Variants in MDGA2 observed in about 807,000 individuals in gnomAD.
MDGA2 encodes the protein MAM domain-containing glycosylphosphatidylinositol anchor protein 2.
In MDGA2, 40 loss-of-function variants were observed where a neutral mutation model predicts 117.8. That is an observed-to-expected ratio of 0.34 (90% confidence interval 0.26 to 0.44). MDGA2 has a LOEUF of 0.44. MDGA2 is among the 20% of genes least tolerant of loss of function. The probability of loss-of-function intolerance (pLI) is 1.00; values close to 1 mark genes in which losing one functional copy is unlikely to be tolerated. For missense variants in MDGA2, 1,123 were observed against 1,250.6 expected, an observed-to-expected ratio of 0.90 and a Z score of 1.54; for synonymous variants, 452 against 439.0, an observed-to-expected ratio of 1.03 and a Z score of -0.37.
At chr14:47,235,478 C>T (rs1886827668) in intron 2 of MDGA2, among the ~76,000 whole-genome samples, 1 of 152,128 alleles carries the variant, frequency 6.6e-6, no homozygotes, top group Non-Finnish European at 1.5e-5. Flanking sequence ...CTTTCTGTTC[C>T]TCACAATCTT....
intron 5 of MDGA2, 52 bp from the exon 6 acceptor site, chr14:47,097,175 G>T (rs758550303): frequency 5.1e-6 from 8 of 1,564,632 alleles, no homozygotes; most frequent in Non-Finnish European, 7.0e-6. Context: ...GCTACAACTA[G>T]AATTCAACAG....
At chr14:47,169,369 T>C (rs568731251) in intron 3 of MDGA2, among the ~76,000 whole-genome samples, 15 of 151,996 alleles carry the variant, frequency 9.9e-5, no homozygotes, top group Admixed American at 2.6e-4. Flanking sequence ...TTATATGATG[T>C]TACCTTTTCA....
At chr14:47,363,486 G>T (rs1313000418) in intron 1 of MDGA2, among the ~76,000 whole-genome samples, 1 of 152,156 alleles carries the variant, frequency 6.6e-6, no homozygotes, top group East Asian at 1.9e-4. Context: ...ATGAACTCCG[G>T]ACCTCAAGTG....
At position 47,417,685 on chromosome 14, in the gene MDGA2, A is replaced by C. The variant is rs542335356; in HGVS notation, c.281-116135T>G. 1.5e-4 allele frequency among the ~76,000 whole-genome samples: 23 copies of C among 152,160 alleles called. No individual in the cohort carries two copies. In the South Asian group the frequency reaches 3.5e-3, roughly 23 times the overall value. ...TTCCACATTTTTAGTTACTTGTTAC[A>C]ATATCACCTCACTCCTTCTGGTACC... On this transcript the variant is annotated intron_variant, in intron 1 of 16. Transcript: ENST00000399232.
At chr14:47,369,199 A>G (rs112365718) in intron 1 of MDGA2, among the ~76,000 whole-genome samples, 3,693 of 152,200 alleles carry the variant, frequency 0.024, 68 homozygotes, top group Non-Finnish European at 0.038. Context: ...AATATTTCCA[A>G]TGACAGTAAA....
chr14:47,178,695 G>A (rs1035705558), intron 3 of MDGA2, among the ~76,000 whole-genome samples: 20 of 152,140 alleles, frequency 1.3e-4, no homozygotes, highest in African/African-American at 4.8e-4. Context: ...ATCATCTTGT[G>A]TCGTGGTGCT....
At chr14:47,078,793 G>T (rs969292911) in intron 6 of MDGA2, among the ~76,000 whole-genome samples, 2 of 151,972 alleles carry the variant, frequency 1.3e-5, no homozygotes, top group East Asian at 3.9e-4. Context: ...TTCCTATCCA[G>T]GCTTGATAAC....
intron 10 of MDGA2, among the ~76,000 whole-genome samples, chr14:46,898,254 C>A (rs1434362613): frequency 6.6e-6 from 1 of 151,774 alleles, no homozygotes; most frequent in Non-Finnish European, 1.5e-5. Context: ...GGAAGAGACT[C>A]TGGTAATTTC....
At chr14:47,215,424 G>A (rs1886049989) in intron 3 of MDGA2, among the ~76,000 whole-genome samples, 1 of 151,990 alleles carries the variant, frequency 6.6e-6, no homozygotes, top group Admixed American at 6.6e-5. Flanking sequence ...CAATGATAAA[G>A]CATGTTTTAA....
At chr14:47,020,241 T>C (rs1280323845) in intron 8 of MDGA2, among the ~76,000 whole-genome samples, 1 of 152,184 alleles carries the variant, frequency 6.6e-6, no homozygotes, top group African/African-American at 2.4e-5. Context: ...ATAAAAAATA[T>C]GAAATTACTG....
chr14:47,365,083 A>G (rs1038954401), intron 1 of MDGA2, among the ~76,000 whole-genome samples: 1 of 152,220 alleles, frequency 6.6e-6, no homozygotes, highest in Non-Finnish European at 1.5e-5. Flanking sequence ...TGTTTTCTAC[A>G]CCCTTCAATG....
chr14:46,921,752 A>T (rs1302052820), intron 9 of MDGA2, among the ~76,000 whole-genome samples: 1 of 152,186 alleles, frequency 6.6e-6, no homozygotes, highest in Non-Finnish European at 1.5e-5. Flanking sequence ...GAAATAAAGG[A>T]GGTGAATTTA....
chr14:47,614,909 A>C (rs529457805), intron 1 of MDGA2, among the ~76,000 whole-genome samples: 1 of 152,346 alleles, frequency 6.6e-6, no homozygotes, highest in South Asian at 2.1e-4. Flanking sequence ...GTATCTATTA[A>C]GGATTTGGCT....
chr14:47,282,270 G>C (rs1254954468), intron 2 of MDGA2, among the ~76,000 whole-genome samples: 5 of 152,048 alleles, frequency 3.3e-5, no homozygotes, highest in Admixed American at 6.5e-5. Flanking sequence ...TGATATATTT[G>C]ACATTAATGC....
chr14:47,222,956 A>T (rs1465190536), intron 2 of MDGA2, among the ~76,000 whole-genome samples: 1 of 152,214 alleles, frequency 6.6e-6, no homozygotes, highest in Non-Finnish European at 1.5e-5. Flanking sequence ...CATACCTGAG[A>T]CTGGGAAGAA....
intron 6 of MDGA2, among the ~76,000 whole-genome samples, chr14:47,080,577 T>C (rs541918105): frequency 9.2e-5 from 14 of 152,200 alleles, no homozygotes; most frequent in Non-Finnish European, 1.9e-4. Flanking sequence ...CTGTTCTTAC[T>C]ATCCTCAAAA....
At chr14:47,293,612 A>G (rs1888962232) in intron 2 of MDGA2, among the ~76,000 whole-genome samples, 1 of 152,228 alleles carries the variant, frequency 6.6e-6, no homozygotes, top group Non-Finnish European at 1.5e-5. Flanking sequence ...CTCAATCACA[A>G]ATACGATTAT....
chr14:47,111,270 G>A (rs916342058), intron 5 of MDGA2, among the ~76,000 whole-genome samples: 21 of 152,074 alleles, frequency 1.4e-4, no homozygotes, highest in Admixed American at 1.3e-4. Flanking sequence ...TAGGGAATCT[G>A]GCTTAAGATG....
chr14:47,665,174 C>T (rs1026524757), intron 1 of MDGA2, among the ~76,000 whole-genome samples: 3 of 152,114 alleles, frequency 2.0e-5, no homozygotes, highest in Admixed American at 6.6e-5. Context: ...CTATATTATG[C>T]CTACCCACTT....
Sources: allele counts gnomAD v4.1 joint callset (sites outside exome capture counted in the v4.1 genomes callset), GRCh38; gene constraint gnomAD v4.1.1; transcripts MANE v1.5; gene names NCBI Gene and HGNC (gene_info 2026-07-23, HGNC 2026-07-21).